The following PCM1 variants were observed in gnomAD, a reference collection of about 807,000 sequenced individuals.
The protein encoded by PCM1 is pericentriolar material 1, also known as pericentriolar material 1 protein.
In PCM1, 157 loss-of-function variants were observed where a neutral mutation model predicts 241.9. The observed-to-expected ratio is 0.65, with a 90% CI of 0.57 to 0.74. PCM1 has a LOEUF of 0.74. Ranked by LOEUF, PCM1 falls within the 30% of genes least tolerant of loss-of-function variation. The probability of loss-of-function intolerance (pLI) is 0.00; values close to 1 mark genes in which losing one functional copy is unlikely to be tolerated. For missense variants in PCM1, 3,478 were observed against 2,360.1 expected, an observed-to-expected ratio of 1.47 and a Z score of -9.81; for synonymous variants, 1,085 against 784.9, an observed-to-expected ratio of 1.38 and a Z score of -6.39.
At chr8:18,026,232 CA>C (rs1278856301) in intron 38 of PCM1, among the ~76,000 whole-genome samples, 4 of 99,262 alleles carry the variant, frequency 4.0e-5, no homozygotes, top group African/African-American at 1.6e-4. Context: ...AAGAAAGGTA[CA>C]AAAATATTAT....
chr8:17,970,240 G>T (rs2076386119), intron 22 of PCM1, among the ~76,000 whole-genome samples: 1 of 152,120 alleles, frequency 6.6e-6, no homozygotes, highest in African/African-American at 2.4e-5. Flanking sequence ...CTGAAACAGA[G>T]TTTTTGACTC....
intron 11 of PCM1, 35 bp downstream of exon 11, chr8:17,956,812 T>G: frequency 6.6e-7 from 1 of 1,516,288 alleles, no homozygotes; most frequent in Non-Finnish European, 9.1e-7. Context: ...TTCCAGCATA[T>G]TCATTCTGTC....
chr8:17,945,953 TTTAAA>T (rs1442354809), intron 6 of PCM1, among the ~76,000 whole-genome samples: 2 of 152,176 alleles, frequency 1.3e-5, no homozygotes, highest in African/African-American at 4.8e-5. Flanking sequence ...TCGTTCAACT[TTTAAA>T]ATAAAAGACT....
At chr8:17,929,123 A>C (rs2058157334) in intron 2 of PCM1, among the ~76,000 whole-genome samples, 1 of 151,708 alleles carries the variant, frequency 6.6e-6, no homozygotes. Context: ...GACCCTCACT[A>C]CCCCTGCTGA....
chr8:17,937,066 TA>T (rs1268908649), intron 3 of PCM1, 67 bp from the exon 4 acceptor site: 1 of 1,268,118 alleles, frequency 7.9e-7, no homozygotes, highest in African/African-American at 1.5e-5. Context: ...CAAAACTTTT[TA>T]ATTATACCAA....
chr8:18,014,813 T>C lies in PCM1; in HGVS notation c.5814T>C (p.Thr1938=), dbSNP rs754195036. ...PESSLAGSPD[T]ESPVLVNDYE... ...GCTCTCTGGCTGGAAGTCCTGATACTGAATCTCCAGTGTTAGTGAATGACT... is the reference window on the plus strand; with the variant it reads ...GCTCTCTGGCTGGAAGTCCTGATACCGAATCTCCAGTGTTAGTGAATGACT... The change falls in exon 36 of 39, where the codon ACT becomes ACC. Residue 1938 remains threonine (T), a synonymous_variant. Transcript: ENST00000325083. 18 of 1,602,752 alleles carry C rather than the reference T, an allele frequency of 1.1e-5. No homozygotes were observed. In the Admixed American group the frequency reaches 3.0e-4, roughly 27 times the overall value.
intron 22 of PCM1, among the ~76,000 whole-genome samples, chr8:17,971,919 AT>A (rs34036756): frequency 2.0e-5 from 3 of 151,650 alleles, no homozygotes; most frequent in South Asian, 2.1e-4. Context: ...CATTTTTAAA[AT>A]TTTTTTTAGA....
chr8:17,973,750 A>G lies in PCM1; in HGVS notation c.3943+1063A>G, dbSNP rs2077661126. Among the ~76,000 whole-genome samples the G allele has an allele frequency of 2.0e-5, 3 of 152,114 alleles. No individual in the cohort carries two copies. The South Asian group carries it at 6.2e-4, about 32-fold the overall frequency. ...AAAAAAAAATTGGTGTTTAAGAACA[A>G]AGTATTCTAGGCTTATAATCAGGAA... On this transcript the variant is annotated intron_variant, in intron 23 of 38. Coordinates refer to ENST00000325083, the MANE Select transcript of PCM1 (RefSeq NM_006197.4).
chr8:18,007,740 C>G (rs1013439669), intron 30 of PCM1, among the ~76,000 whole-genome samples: 1 of 152,140 alleles, frequency 6.6e-6, no homozygotes, highest in African/African-American at 2.4e-5. Context: ...TTACCATCTT[C>G]TACATTTTTC....
Position 17,928,329 on chromosome 8 carries a change from C to G in PCM1, c.-23+3549C>G, listed in dbSNP as rs563381913. Among the ~76,000 whole-genome samples the G allele has an allele frequency of 3.9e-5, 6 of 152,328 alleles. No homozygotes were observed. The South Asian group carries it at 1.2e-3, about 32-fold the overall frequency. ...GCCCACGGTCATTCTCCATTCCCTACTTTTCTACGCTCTCTCAGACACTGC... is the reference window on the plus strand; with the variant it reads ...GCCCACGGTCATTCTCCATTCCCTAGTTTTCTACGCTCTCTCAGACACTGC... On this transcript the variant is annotated intron_variant, in intron 2 of 38. Coordinates refer to ENST00000325083, the MANE Select transcript of PCM1 (RefSeq NM_006197.4).
chr8:17,952,592 A>G (rs920397104), intron 8 of PCM1, among the ~76,000 whole-genome samples: 19 of 152,178 alleles, frequency 1.2e-4, no homozygotes, highest in Non-Finnish European at 4.4e-5. Context: ...TATAACAGCT[A>G]TTTACATAGT....
At chr8:17,999,256 C>G (rs376130437) in intron 29 of PCM1, among the ~76,000 whole-genome samples, 6 of 152,020 alleles carry the variant, frequency 3.9e-5, no homozygotes, top group Non-Finnish European at 8.8e-5. Context: ...TACGTTGGAT[C>G]TCACCTGAAG....
intron 38 of PCM1, 83 bp from the exon 39 acceptor site, chr8:18,027,554 T>C: frequency 1.1e-6 from 1 of 930,462 alleles, no homozygotes. Flanking sequence ...ATATTAAAAG[T>C]AAAAGCTTTA....
chr8:18,017,849 A>T (rs973912231), intron 36 of PCM1, among the ~76,000 whole-genome samples: 2 of 151,912 alleles, frequency 1.3e-5, no homozygotes, highest in Non-Finnish European at 2.9e-5. Flanking sequence ...GCAAAACTCC[A>T]TCTCAAAAAA....
intron 21 of PCM1, among the ~76,000 whole-genome samples, chr8:17,967,449 C>T (rs1010539011): frequency 7.9e-5 from 12 of 152,072 alleles, no homozygotes; most frequent in African/African-American, 2.9e-4. Flanking sequence ...GCTGGGATTA[C>T]AGGCATGTGC....
At chr8:17,952,255 AAAAT>A (rs1283828769) in intron 8 of PCM1, among the ~76,000 whole-genome samples, 1 of 143,600 alleles carries the variant, frequency 7.0e-6, no homozygotes, top group African/African-American at 2.5e-5. Context: ...AAATAAATAA[AAAAT>A]AAAGGAACAT....
intron 29 of PCM1, among the ~76,000 whole-genome samples, chr8:17,999,421 T>C (rs552350140): frequency 6.6e-5 from 10 of 152,244 alleles, no homozygotes; most frequent in African/African-American, 2.4e-4. Context: ...GGCAGTGGGT[T>C]TCCTTCTGGG....
At chr8:18,024,446 G>T (rs1017884074) in intron 36 of PCM1, among the ~76,000 whole-genome samples, 1 of 152,210 alleles carries the variant, frequency 6.6e-6, no homozygotes, top group East Asian at 1.9e-4. Flanking sequence ...TTTGAAAAAC[G>T]TTAGTACAAA....
At chr8:18,014,489 T>A in intron 35 of PCM1, 95 bp from the exon 36 acceptor site, 1 of 941,252 alleles carries the variant, frequency 1.1e-6, no homozygotes, top group Admixed American at 3.2e-5. Context: ...AATATCTTGA[T>A]TGCTCTTATT....
Sources: gnomAD v4.1 joint callset for allele counts (sites outside exome capture counted in the v4.1 genomes callset) on GRCh38, gnomAD v4.1.1 for gene constraint, MANE v1.5 for transcripts, NCBI Gene and HGNC (gene_info 2026-07-23, HGNC 2026-07-21) for gene names.